Variants in POLN observed in about 807,000 individuals in gnomAD.
The protein encoded by POLN is DNA polymerase N.
Under a neutral mutation model 113.5 loss-of-function variants are expected in POLN, and 108 were observed. The ratio of observed to expected loss-of-function variants is 0.95; its 90% CI spans 0.81 to 1.12. POLN has a LOEUF of 1.12. Among genes scored for constraint, POLN ranks in the 50% most tolerant of loss-of-function variants. The probability of loss-of-function intolerance (pLI) is 0.00; values close to 1 mark genes in which losing one functional copy is unlikely to be tolerated. For missense variants in POLN, 1,097 were observed against 1,077.1 expected (o/e 1.02, Z -0.26); for synonymous variants, 386 against 391.5 (o/e 0.99, Z 0.17).
intron 19 of POLN, among the ~76,000 whole-genome samples, chr4:2,098,055 T>A (rs748206983): frequency 6.6e-5 from 10 of 152,226 alleles, no homozygotes; most frequent in Non-Finnish European, 1.3e-4. Context: ...TTAAGCTATT[T>A]TGCCACCTTG....
intron 19 of POLN, among the ~76,000 whole-genome samples, chr4:2,108,603 T>C (rs1577697311): frequency 1.3e-5 from 2 of 152,188 alleles, no homozygotes; most frequent in Admixed American, 1.3e-4. Flanking sequence ...TAAACACGCA[T>C]TGCATCACAT....
intron 6 of POLN, among the ~76,000 whole-genome samples, chr4:2,198,049 C>G (rs1369643251): frequency 2.6e-5 from 4 of 152,196 alleles, no homozygotes; most frequent in African/African-American, 9.6e-5. Context: ...GAGGGCCGGT[C>G]CAAAGAGGTG....
At chr4:2,224,112 T>G (rs771783474) in intron 3 of POLN, among the ~76,000 whole-genome samples, 1 of 152,278 alleles carries the variant, frequency 6.6e-6, no homozygotes, top group Non-Finnish European at 1.5e-5. Flanking sequence ...TTTTTCTTCA[T>G]ATCTTGATTC....
chr4:2,147,729 G>A (rs1006305740), intron 16 of POLN, among the ~76,000 whole-genome samples: 1 of 139,250 alleles, frequency 7.2e-6, no homozygotes, highest in Non-Finnish European at 1.5e-5. Context: ...CGCAACCTCT[G>A]CCTCCCAGGT....
chr4:2,178,248 C>T (rs1329177680), intron 8 of POLN, among the ~76,000 whole-genome samples: 1 of 151,730 alleles, frequency 6.6e-6, no homozygotes, highest in Non-Finnish European at 1.5e-5. Context: ...CAGTGCCCAG[C>T]ACACAGCTTG....
At chr4:2,179,901 G>A (rs759916026) in intron 7 of POLN, among the ~76,000 whole-genome samples, 1 of 152,206 alleles carries the variant, frequency 6.6e-6, no homozygotes, top group Non-Finnish European at 1.5e-5. Context: ...TGGCACCATG[G>A]AGTCTGGAAT....
intron 23 of POLN, 185 bp downstream of exon 23, chr4:2,080,773 G>A (rs1730392307): frequency 4.8e-6 from 7 of 1,461,546 alleles, no homozygotes; most frequent in Admixed American, 2.4e-5. Flanking sequence ...CTGGTGGATG[G>A]CTGGTTGTTG....
chr4:2,165,468 G>A lies in POLN; in HGVS notation c.1554+5211C>T, dbSNP rs917457616. On this transcript the variant is annotated intron_variant, in intron 13 of 25. Transcript: ENST00000511885. ...AGCACAGGATTTTTAGGGCAGTGGC[G>A]CTGCTCTGTATGATGCTGTAATGGT... 5.3e-5 allele frequency among the ~76,000 whole-genome samples: 8 copies of A among 152,196 alleles called. No homozygotes were observed. The East Asian group carries it at 5.8e-4, about 11-fold the overall frequency.
chr4:2,085,569 GA>G (rs1553892579), intron 21 of POLN, 43 bp downstream of exon 21: 4 of 1,608,146 alleles, frequency 2.5e-6, no homozygotes, highest in Non-Finnish European at 3.4e-6. Flanking sequence ...TCCTCCCACA[GA>G]GGGTTGGCAG....
intron 8 of POLN, among the ~76,000 whole-genome samples, chr4:2,178,803 G>C (rs1275405084): frequency 6.6e-6 from 1 of 152,110 alleles, no homozygotes; most frequent in Non-Finnish European, 1.5e-5. Context: ...GTAGAGACAG[G>C]GTTTCACCAG....
chr4:2,207,427 C>T (rs1482813014), intron 5 of POLN, among the ~76,000 whole-genome samples: 1 of 151,710 alleles, frequency 6.6e-6, no homozygotes, highest in Non-Finnish European at 1.5e-5. Flanking sequence ...AAATTTTGTG[C>T]TTCAAAAGAC....
intron 19 of POLN, among the ~76,000 whole-genome samples, chr4:2,122,977 A>T (rs1242982895): frequency 1.3e-5 from 2 of 151,668 alleles, no homozygotes; most frequent in Admixed American, 1.3e-4. Context: ...ACATAGGAAG[A>T]CAGAGCCTCT....
At chr4:2,163,873 T>C (rs1011730349) in intron 13 of POLN, among the ~76,000 whole-genome samples, 1 of 152,242 alleles carries the variant, frequency 6.6e-6, no homozygotes, top group African/African-American at 2.4e-5. Context: ...AACTGCTGTT[T>C]TGTGATACGG....
At chr4:2,233,833 T>G (rs1734664473) in intron 2 of POLN, among the ~76,000 whole-genome samples, 2 of 152,214 alleles carry the variant, frequency 1.3e-5, no homozygotes, top group Non-Finnish European at 2.9e-5. Context: ...TGGCGTGCCA[T>G]ATGGTCAATG....
intron 16 of POLN, among the ~76,000 whole-genome samples, chr4:2,138,452 G>A (rs760362414): frequency 6.6e-6 from 1 of 152,182 alleles, no homozygotes; most frequent in Non-Finnish European, 1.5e-5. Context: ...GCACCAAGAT[G>A]TGCAGGCAAC....
chr4:2,129,056 C>CA (rs542873881), intron 18 of POLN, 123 bp downstream of exon 18: 15,453 of 286,820 alleles, frequency 0.054, 88 homozygotes, highest in African/African-American at 0.11. Flanking sequence ...ACTCTTGTCT[C>CA]AAAAAAAAAA....
chr4:2,140,289 G>A (rs1318092359), intron 16 of POLN, among the ~76,000 whole-genome samples: 2 of 152,068 alleles, frequency 1.3e-5, no homozygotes, highest in African/African-American at 2.4e-5. Context: ...TTGTTGGTCA[G>A]GCTGGTCTCG....
rs2108748494 is a variant in POLN, at chr4:2,174,039, C to A, written c.1310-20G>T. 1 of 1,612,250 alleles carries A rather than the reference C, an allele frequency of 6.2e-7. No homozygotes were observed. The highest frequency in any genetic ancestry group is 1.3e-5 in the African/African-American group (1 of 74,962). On this transcript the variant is annotated intron_variant, in intron 10 of 25. Coordinates refer to ENST00000511885, the MANE Select transcript of POLN (RefSeq NM_181808.4). ...CCATCACTGTGATTCGAAACCCAAA[C>A]CAGATCATATTTGCATTAATGTATT...
chr4:2,221,873 C>T (rs1411824767), intron 3 of POLN, among the ~76,000 whole-genome samples: 1 of 152,170 alleles, frequency 6.6e-6, no homozygotes, highest in African/African-American at 2.4e-5. Context: ...TCGCACCTGG[C>T]CCCTCTTATC....
Sources: gnomAD v4.1 joint callset for allele counts (sites outside exome capture counted in the v4.1 genomes callset) on GRCh38, gnomAD v4.1.1 for gene constraint, MANE v1.5 for transcripts, NCBI Gene and HGNC (gene_info 2026-07-23, HGNC 2026-07-21) for gene names.